Variants in RIMS2 observed in about 807,000 individuals in gnomAD.
RIMS2 encodes regulating synaptic membrane exocytosis 2, also known as regulating synaptic membrane exocytosis protein 2.
A neutral mutation model predicts 174.4 loss-of-function variants in RIMS2; 59 were observed. The observed-to-expected ratio is 0.34, with a 90% CI of 0.27 to 0.42. The LOEUF is 0.42. RIMS2 is among the 10% of genes least tolerant of loss of function. The pLI, the probability that RIMS2 is intolerant of heterozygous loss-of-function variation, is 1.00. For missense variants in RIMS2, 1,620 were observed against 1,666.3 expected (o/e 0.97, Z 0.48); for synonymous variants, 606 against 572.5 (o/e 1.06, Z -0.84).
chr8:103,908,133 C>T (rs2074888439), intron 4 of RIMS2, among the ~76,000 whole-genome samples: 1 of 152,078 alleles, frequency 6.6e-6, no homozygotes, highest in Admixed American at 6.5e-5. Context: ...CCTCCGCCTC[C>T]CAGGTTCAAG....
At chr8:103,811,565 C>T (rs927764426) in intron 3 of RIMS2, among the ~76,000 whole-genome samples, 1 of 152,084 alleles carries the variant, frequency 6.6e-6, no homozygotes, top group African/African-American at 2.4e-5. Flanking sequence ...CTGCCTCAGC[C>T]TCCCGAGTAG....
chr8:103,596,079 T>A (rs2094468258), intron 1 of RIMS2, among the ~76,000 whole-genome samples: 1 of 152,022 alleles, frequency 6.6e-6, no homozygotes, highest in Non-Finnish European at 1.5e-5. Flanking sequence ...TAATTTGAAC[T>A]TATTTTCATA....
intron 2 of RIMS2, among the ~76,000 whole-genome samples, chr8:103,713,157 T>G (rs2097328337): frequency 6.6e-6 from 1 of 152,148 alleles, no homozygotes; most frequent in Non-Finnish European, 1.5e-5. Context: ...TAGCTGGGAT[T>G]ACAGGCACAC....
intron 13 of RIMS2, among the ~76,000 whole-genome samples, chr8:103,937,097 CA>C (rs34266462): frequency 1.3e-4 from 17 of 135,738 alleles, no homozygotes; most frequent in South Asian, 2.4e-4. Flanking sequence ...GACTCTGTCT[CA>C]AAAAAAAAAT....
rs564686873 is a variant in RIMS2 at position 103,547,358 on chromosome 8, G to T, written c.176+46296G>T. Among the ~76,000 whole-genome samples, 3 of 152,002 alleles carry T rather than the reference G, an allele frequency of 2.0e-5. No homozygotes were observed. In the East Asian group the frequency reaches 5.8e-4, roughly 29 times the overall value. The stretch of plus-strand genomic sequence containing the variant: ...TGAATGAAGATATTGAAAAAAAATC[G>T]CTGAAAACCATGCAGTTACATGGAA... On this transcript the variant is annotated intron_variant, in intron 1 of 23. Coordinates refer to ENST00000504942, the Ensembl canonical transcript of RIMS2.
rs184044489 is a variant in RIMS2, at chr8:104,249,467, T to C, written c.3590-20T>C. The C allele has an allele frequency of 4.4e-6, 6 of 1,372,194 alleles. No individual in the cohort carries two copies. In the African/African-American group the frequency reaches 5.7e-5, roughly 13 times the overall value. 85.0% of individuals were successfully genotyped at this position (1,372,194 alleles called of 1,614,324 possible). A position where few individuals can be genotyped will look rare whatever the true frequency, so the allele number is the denominator to read the frequency against. ...GCATTTGTATATTAAAGCACATTTG[T>C]TCCTTCCTTCTTCCATTAGGTGACA... is the stretch of plus-strand genomic sequence containing the variant. On this transcript the variant is annotated intron_variant, in intron 21 of 23. Transcript: ENST00000504942.
chr8:104,052,484 G>A (rs1484479334), intron 19 of RIMS2, among the ~76,000 whole-genome samples: 3 of 152,142 alleles, frequency 2.0e-5, no homozygotes, highest in Non-Finnish European at 4.4e-5. Flanking sequence ...AAGGGGTTTA[G>A]CTAGAAATCA....
intron 19 of RIMS2, among the ~76,000 whole-genome samples, chr8:104,054,445 A>G (rs539829461): frequency 2.0e-4 from 30 of 152,248 alleles, no homozygotes; most frequent in Admixed American, 2.0e-4. Context: ...CATTAAAAAT[A>G]ATTATTTCAA....
chr8:103,747,483 C>T (rs2097837184), intron 2 of RIMS2, among the ~76,000 whole-genome samples: 1 of 151,610 alleles, frequency 6.6e-6, no homozygotes, highest in African/African-American at 2.4e-5. Context: ...TTTTAAAAGG[C>T]TTACTTTGAT....
chr8:104,215,114 A>G (rs1441946071), intron 19 of RIMS2, among the ~76,000 whole-genome samples: 1 of 152,234 alleles, frequency 6.6e-6, no homozygotes, highest in Non-Finnish European at 1.5e-5. Flanking sequence ...CAATTTGAAA[A>G]GTCAACTAGA....
chr8:103,644,348 G>A (rs1030463910), intron 1 of RIMS2, among the ~76,000 whole-genome samples: 5 of 151,806 alleles, frequency 3.3e-5, no homozygotes, highest in South Asian at 2.1e-4. Flanking sequence ...TCTTGATGAC[G>A]CTAACAAGAG....
At chr8:104,093,900 A>ACCTT (rs2097707658) in intron 19 of RIMS2, among the ~76,000 whole-genome samples, 1 of 152,012 alleles carries the variant, frequency 6.6e-6, no homozygotes, top group Non-Finnish European at 1.5e-5. Flanking sequence ...CATGTTTGTA[A>ACCTT]TTTAAAAATT....
intron 19 of RIMS2, among the ~76,000 whole-genome samples, chr8:104,020,802 A>G (rs1295462239): frequency 6.6e-6 from 1 of 151,994 alleles, no homozygotes; most frequent in Non-Finnish European, 1.5e-5. Context: ...ACATTTGTAG[A>G]TTTTTCATAG....
intron 19 of RIMS2, among the ~76,000 whole-genome samples, chr8:104,203,694 A>G (rs2441908): frequency 0.6 from 91,034 of 151,498 alleles, 27,492 homozygotes; most frequent in East Asian, 0.65. Context: ...AGTATAGATG[A>G]GTTTTCACCA....
At chr8:103,529,759 A>T (rs1004892902) in intron 1 of RIMS2, among the ~76,000 whole-genome samples, 2 of 152,232 alleles carry the variant, frequency 1.3e-5, no homozygotes, top group African/African-American at 4.8e-5. Context: ...CTATTCGGCC[A>T]TCTTCCAGTA....
At chr8:103,520,226 A>T (rs181079532) in intron 1 of RIMS2, among the ~76,000 whole-genome samples, 2 of 152,290 alleles carry the variant, frequency 1.3e-5, no homozygotes, top group East Asian at 3.9e-4. Flanking sequence ...AAGACATTCA[A>T]TAAATGTTAA....
chr8:103,943,748 A>C (rs1565451706), intron 14 of RIMS2, among the ~76,000 whole-genome samples: 1 of 152,284 alleles, frequency 6.6e-6, no homozygotes, highest in South Asian at 2.1e-4. Flanking sequence ...AGGTGTATGC[A>C]TACTGTTTTG....
intron 1 of RIMS2, among the ~76,000 whole-genome samples, chr8:103,546,039 C>A (rs2131400605): frequency 6.6e-6 from 1 of 152,198 alleles, no homozygotes; most frequent in South Asian, 2.1e-4. Flanking sequence ...TCAGTACTAA[C>A]CTGGAATGTA....
intron 2 of RIMS2, among the ~76,000 whole-genome samples, chr8:103,744,744 C>T (rs2097792065): frequency 6.6e-6 from 1 of 152,192 alleles, no homozygotes; most frequent in African/African-American, 2.4e-5. Flanking sequence ...TATAAATACC[C>T]CAGACCCCTT....
Sources: gnomAD v4.1 joint callset for allele counts (sites outside exome capture counted in the v4.1 genomes callset) on GRCh38, gnomAD v4.1.1 for gene constraint, MANE v1.5 for transcripts, NCBI Gene and HGNC (gene_info 2026-07-23, HGNC 2026-07-21) for gene names.